ANTXRL: variants seen among roughly 807,000 people sequenced by gnomAD.
The protein encoded by ANTXRL is anthrax toxin receptor-like.
ANTXRL carries 63 observed loss-of-function variants against 75.4 expected under a neutral mutation model. The observed-to-expected ratio is 0.84, with a 90% CI of 0.68 to 1.03. The LOEUF (loss-of-function observed/expected upper bound fraction) is 1.03. ANTXRL is among the 50% of genes least tolerant of loss of function. The pLI, the probability that ANTXRL is intolerant of heterozygous loss-of-function variation, is 0.00. For missense variants in ANTXRL, 797 were observed against 789.4 expected (o/e 1.01, Z -0.12); for synonymous variants, 335 against 291.3 (o/e 1.15, Z -1.53).
intron 16 of ANTXRL, among the ~76,000 whole-genome samples, chr10:46,327,955 G>A (rs1338462680): frequency 6.6e-6 from 1 of 152,152 alleles, no homozygotes; most frequent in Non-Finnish European, 1.5e-5. Context: ...TGGGGAGGTC[G>A]AGGCAAAGTA....
At chr10:46,287,895 C>G (rs782453817) in intron 1 of ANTXRL, among the ~76,000 whole-genome samples, 1 of 152,120 alleles carries the variant, frequency 6.6e-6, no homozygotes, top group Non-Finnish European at 1.5e-5. Context: ...TTTGTTTTTT[C>G]ACGCAAATGA....
intron 16 of ANTXRL, among the ~76,000 whole-genome samples, chr10:46,319,819 C>G (rs1838897146): frequency 1.3e-5 from 2 of 152,154 alleles, no homozygotes; most frequent in Admixed American, 6.5e-5. Flanking sequence ...GAGAGATTTT[C>G]TTAATGTATT....
At chr10:46,313,399 A>T in intron 16 of ANTXRL, 83 bp downstream of exon 16, 1 of 1,383,026 alleles carries the variant, frequency 7.2e-7, no homozygotes, top group Non-Finnish European at 9.9e-7. Context: ...ATTGGGGCTC[A>T]GAGAGCCATG....
chr10:46,324,300 T>C (rs1554966062), intron 16 of ANTXRL, among the ~76,000 whole-genome samples: 1 of 152,134 alleles, frequency 6.6e-6, no homozygotes, highest in African/African-American at 2.4e-5. Context: ...AGCAAACAAA[T>C]GTTGACTCTC....
At chr10:46,311,432 C>A in intron 14 of ANTXRL, 78 bp from the exon 15 acceptor site, 3 of 1,421,212 alleles carry the variant, frequency 2.1e-6, no homozygotes, top group Non-Finnish European at 9.2e-7. Context: ...TCCTTTCATT[C>A]CCCAGACACA....
chr10:46,312,913 C>A (rs1253040421), intron 15 of ANTXRL, among the ~76,000 whole-genome samples: 2 of 152,114 alleles, frequency 1.3e-5, no homozygotes, highest in Admixed American at 6.5e-5. Flanking sequence ...GCTGGGCCCC[C>A]AGGCCTAACT....
Position 46,329,930 on chromosome 10 carries a change from G to A in ANTXRL, c.1742G>A (p.Arg581Gln), listed in dbSNP as rs186287329. ...CNPKSCLQPSRECLPLTCSSR... is the reference protein window; with the variant it reads ...CNPKSCLQPSQECLPLTCSSR... The stretch of plus-strand genomic sequence containing the variant: ...CCAAAGAGCTGCCTTCAACCCAGCC[G>A]GGAGTGCCTCCCCCTCACCTGCTCC... The change falls in exon 17 of 17, where the codon CGG (arginine) becomes CAG (glutamine). Residue 581 changes from arginine to glutamine, a missense_variant. Arg to Gln is a conservative substitution (Grantham distance 43). This residue lies in a region of ANTXRL where 479 missense variants were observed against 422.0 expected (regional missense o/e 1.14). Coordinates refer to ENST00000620264, the MANE Select transcript of ANTXRL (RefSeq NM_001278688.3). 111 of 1,535,744 alleles carry A rather than the reference G, an allele frequency of 7.2e-5. 1 individual carries two copies. In the East Asian group the frequency reaches 2.4e-3, roughly 34 times the overall value.
At position 46,296,265 on chromosome 10, in the gene ANTXRL, C is replaced by T. The variant is rs1229929615; in HGVS notation, c.508+13C>T. 15 of 1,535,528 alleles carry T rather than the reference C, an allele frequency of 9.8e-6. No individual in the cohort carries two copies. The highest frequency in any genetic ancestry group is 2.0e-5 in the Admixed American group (1 of 50,968). ...TTCAACTCCGGAAGTAAGCACCTGC[C>T]GTCCCCCTGGTGGTCCTGTAGGGGG... On this transcript the variant is annotated intron_variant, in intron 5 of 16. Transcript: ENST00000620264.
At chr10:46,298,484 G>T (rs1837523592) in intron 9 of ANTXRL, among the ~76,000 whole-genome samples, 1 of 151,644 alleles carries the variant, frequency 6.6e-6, no homozygotes, top group African/African-American at 2.4e-5. Flanking sequence ...TAATATGCAT[G>T]TGGGGGTGTG....
chr10:46,288,433 T>A (rs1226898474), intron 1 of ANTXRL, among the ~76,000 whole-genome samples: 4 of 152,094 alleles, frequency 2.6e-5, no homozygotes, highest in Non-Finnish European at 5.9e-5. Context: ...CTGCACACTT[T>A]CCAGCATCGC....
chr10:46,311,716 G>A lies in ANTXRL; in HGVS notation c.1329+51G>A, dbSNP rs532190789. The A allele has an allele frequency of 9.5e-5, 70 of 736,622 alleles. No homozygotes were observed. In the African/African-American group the frequency reaches 1.1e-3, roughly 12 times the overall value. 45.6% of individuals were successfully genotyped at this position (736,622 alleles called of 1,614,324 possible). ...CTGTGACCCCAGCATGGGACTGTGG[G>A]AGGAGGGGGCAGATGGGTCCCACTG... is the stretch of plus-strand genomic sequence containing the variant. On this transcript the variant is annotated intron_variant, in intron 15 of 16. Coordinates refer to ENST00000620264, the MANE Select transcript of ANTXRL (RefSeq NM_001278688.3).
chr10:46,310,526 T>G, intron 14 of ANTXRL, 27 bp downstream of exon 14: 1 of 1,535,252 alleles, frequency 6.5e-7, no homozygotes, highest in Non-Finnish European at 8.7e-7. Flanking sequence ...GTCCCGATAT[T>G]GTCACATCCC....
intron 10 of ANTXRL, among the ~76,000 whole-genome samples, chr10:46,305,936 C>T (rs1838053249): frequency 6.6e-6 from 1 of 152,180 alleles, no homozygotes; most frequent in Non-Finnish European, 1.5e-5. Context: ...ATCCATCCCA[C>T]CAGCAAGTCC....
At position 46,293,345 on chromosome 10, in the gene ANTXRL, C is replaced by T. The variant is rs528692806; in HGVS notation, c.321-484C>T. ...CTGTGTGTGAGTGTGTGCGTGTGTG[C>T]GTGCATGTGTGTGCATGTGAGTGTG... On this transcript the variant is annotated intron_variant, in intron 2 of 16. Coordinates refer to ENST00000620264, the MANE Select transcript of ANTXRL (RefSeq NM_001278688.3). Among the ~76,000 whole-genome samples the T allele has an allele frequency of 9.8e-5, 11 of 112,592 alleles. No individual in the cohort carries two copies. The South Asian group carries it at 1.9e-3, about 19-fold the overall frequency. 73.9% of individuals were successfully genotyped at this position (112,592 alleles called of 152,430 possible).
intron 16 of ANTXRL, among the ~76,000 whole-genome samples, chr10:46,325,405 C>T (rs1448395240): frequency 6.6e-6 from 1 of 152,046 alleles, no homozygotes; most frequent in Admixed American, 6.6e-5. Flanking sequence ...TGGTCTTGGC[C>T]CCTGTAACTG....
chr10:46,301,071 A>T (rs1554960417), intron 9 of ANTXRL, among the ~76,000 whole-genome samples: 1 of 151,960 alleles, frequency 6.6e-6, no homozygotes. Context: ...CCCAGAATGT[A>T]ATTTGCAATT....
chr10:46,317,306 G>A (rs1348743827), intron 16 of ANTXRL, among the ~76,000 whole-genome samples: 17 of 152,138 alleles, frequency 1.1e-4, no homozygotes, highest in Non-Finnish European at 4.4e-5. Flanking sequence ...ACTATCAACA[G>A]CTTCTAATGA....
chr10:46,302,235 G>A (rs1554960719), intron 9 of ANTXRL, among the ~76,000 whole-genome samples: 1 of 152,160 alleles, frequency 6.6e-6, no homozygotes, highest in African/African-American at 2.4e-5. Context: ...AGACAGGGAG[G>A]AGAGACCTCG....
chr10:46,327,885 G>A (rs74129864), intron 16 of ANTXRL, among the ~76,000 whole-genome samples: 6,004 of 152,174 alleles, frequency 0.039, 376 homozygotes, highest in African/African-American at 0.14. Context: ...GAAACCACAA[G>A]CATTGATGGG....
Sources: gnomAD v4.1 joint callset for allele counts (sites outside exome capture counted in the v4.1 genomes callset) on GRCh38, gnomAD v4.1.1 for gene constraint, gnomAD v4.1.1 regional missense constraint, MANE v1.5 for transcripts, NCBI Gene and HGNC (gene_info 2026-07-23, HGNC 2026-07-21) for gene names.